PHACTR3: variants seen among roughly 807,000 people sequenced by gnomAD.
The protein encoded by PHACTR3 is protein phosphatase 1, regulatory subunit 123.
In PHACTR3, 16 loss-of-function variants were observed where a neutral mutation model predicts 66.8. That is an observed-to-expected ratio of 0.24 (90% CI 0.16 to 0.36). The LOEUF is 0.36. Ranked by LOEUF, PHACTR3 falls within the 10% of genes least tolerant of loss-of-function variation. The probability of loss-of-function intolerance (pLI) is 1.00; values close to 1 mark genes in which losing one functional copy is unlikely to be tolerated. For missense variants in PHACTR3, 647 were observed against 719.9 expected, an observed-to-expected ratio of 0.90 and a Z score of 1.16; for synonymous variants, 323 against 292.1, an observed-to-expected ratio of 1.11 and a Z score of -1.08.
At chr20:59,693,220 G>A (rs532579315) in intron 1 of PHACTR3, among the ~76,000 whole-genome samples, 44 of 152,294 alleles carry the variant, frequency 2.9e-4, no homozygotes, top group African/African-American at 9.4e-4. Flanking sequence ...TGGCACAGAC[G>A]TCCTCATCCT....
At chr20:59,632,756 A>C (rs1044856786) in intron 1 of PHACTR3, among the ~76,000 whole-genome samples, 1 of 152,206 alleles carries the variant, frequency 6.6e-6, no homozygotes, top group Non-Finnish European at 1.5e-5. Flanking sequence ...CACAGGGCTC[A>C]TGAAAGTGCC....
intron 4 of PHACTR3, among the ~76,000 whole-genome samples, chr20:59,763,644 A>T (rs2040078545): frequency 6.6e-6 from 1 of 152,230 alleles, no homozygotes. Flanking sequence ...TAACAGAGAA[A>T]TGGAATCAGT....
rs139643123 is a variant in PHACTR3 at position 59,828,959 on chromosome 20, C to T, written c.1329-7546C>T. Among the ~76,000 whole-genome samples, 89 of 151,796 alleles carry T rather than the reference C, an allele frequency of 5.9e-4. No homozygotes were observed. In the East Asian group the frequency reaches 0.011, roughly 20 times the overall value. On this transcript the variant is annotated intron_variant, in intron 8 of 12. Coordinates refer to ENST00000371015, the MANE Select transcript of PHACTR3 (RefSeq NM_080672.5). ...GGAGAGAGGCAGATGGATGGATGGACGGATGGATGGATGCAAGCAGAACCC... is the reference window on the plus strand; with the variant it reads ...GGAGAGAGGCAGATGGATGGATGGATGGATGGATGGATGCAAGCAGAACCC...
chr20:59,803,932 C>T (rs550008694), intron 7 of PHACTR3, among the ~76,000 whole-genome samples: 6 of 152,290 alleles, frequency 3.9e-5, no homozygotes, highest in African/African-American at 1.2e-4. Flanking sequence ...TGAAAGCTCT[C>T]CGTCCGTCCC....
chr20:59,704,086 C>T (rs1481557342), intron 1 of PHACTR3, among the ~76,000 whole-genome samples: 2 of 152,120 alleles, frequency 1.3e-5, no homozygotes, highest in Non-Finnish European at 2.9e-5. Flanking sequence ...AGGGCCTGAA[C>T]ACTTTAAAGA....
chr20:59,579,980 C>T (rs981311127), intron 1 of PHACTR3, among the ~76,000 whole-genome samples: 1 of 152,120 alleles, frequency 6.6e-6, no homozygotes. Context: ...AGGAAGCGCG[C>T]ATTCCGTGCT....
intron 8 of PHACTR3, among the ~76,000 whole-genome samples, chr20:59,832,006 G>T (rs1200475190): frequency 1.3e-5 from 2 of 152,176 alleles, no homozygotes; most frequent in South Asian, 2.1e-4. Context: ...TGGGGCAGGG[G>T]TGGTGGCCTG....
At chr20:59,616,593 G>C (rs942539996) in intron 1 of PHACTR3, among the ~76,000 whole-genome samples, 4 of 152,296 alleles carry the variant, frequency 2.6e-5, no homozygotes, top group Admixed American at 6.5e-5. Context: ...TACTGAGTTG[G>C]GTAAAAGACC....
At chr20:59,579,553 C>T (rs1364858324) in intron 1 of PHACTR3, among the ~76,000 whole-genome samples, 1 of 152,174 alleles carries the variant, frequency 6.6e-6, no homozygotes, top group East Asian at 1.9e-4. Context: ...GGAGGTGGCC[C>T]ATGGGCCTTG....
chr20:59,780,903 G>T (rs556530658), intron 7 of PHACTR3, among the ~76,000 whole-genome samples: 1 of 152,212 alleles, frequency 6.6e-6, no homozygotes, highest in Admixed American at 6.5e-5. Context: ...GTATAGCTTT[G>T]TCTCATTGTG....
At chr20:59,684,195 TTTTAAA>T (rs1487573468) in intron 1 of PHACTR3, among the ~76,000 whole-genome samples, 3 of 152,204 alleles carry the variant, frequency 2.0e-5, no homozygotes, top group African/African-American at 7.2e-5. Context: ...GGCTCATATC[TTTTAAA>T]TTAAGTAGTC....
At chr20:59,581,196 C>T (rs1289527527) in intron 1 of PHACTR3, among the ~76,000 whole-genome samples, 2 of 152,260 alleles carry the variant, frequency 1.3e-5, no homozygotes, top group Non-Finnish European at 2.9e-5. Context: ...GCAAAACCTG[C>T]CGTGCATTGC....
At chr20:59,630,647 G>A (rs1047351575) in intron 1 of PHACTR3, among the ~76,000 whole-genome samples, 1 of 152,202 alleles carries the variant, frequency 6.6e-6, no homozygotes, top group African/African-American at 2.4e-5. Flanking sequence ...GGGAGACACC[G>A]GGTGGTGCAG....
exon 1 of PHACTR3, chr20:59,577,607 T>C (rs2032749083): frequency 8.3e-7 from 1 of 1,208,736 alleles, no homozygotes; most frequent in Non-Finnish European, 1.0e-6. Context: ...CCGCCCGAGA[T>C]CCTGCGCAAG....
intron 3 of PHACTR3, among the ~76,000 whole-genome samples, chr20:59,753,352 G>A (rs541711426): frequency 2.6e-5 from 4 of 152,222 alleles, no homozygotes; most frequent in East Asian, 3.9e-4. Flanking sequence ...CATTCTCCCC[G>A]GAGGAGACGT....
Position 59,847,097 on chromosome 20 carries a change from C to CT in PHACTR3, c.1665-12dup. 2 of 1,498,174 alleles carry CT rather than the reference C, an allele frequency of 1.3e-6. No individual in the cohort carries two copies. The highest frequency in any genetic ancestry group is 1.8e-6 in the Non-Finnish European group (2 of 1,083,054). 92.8% of individuals were successfully genotyped at this position (1,498,174 alleles called of 1,614,324 possible). On this transcript the variant is annotated splice_polypyrimidine_tract_variant and intron_variant, in intron 12 of 12. Transcript: ENST00000371015. ...AAATGAATAACCTTAAATTCTTTGTCTTTTTTATAATCTCTAGATTCCACA... is the reference window on the plus strand; with the variant it reads ...AAATGAATAACCTTAAATTCTTTGTCTTTTTTTATAATCTCTAGATTCCACA...
chr20:59,822,427 T>A (rs1600718670), intron 8 of PHACTR3, among the ~76,000 whole-genome samples: 1 of 147,734 alleles, frequency 6.8e-6, no homozygotes, highest in African/African-American at 2.5e-5. Flanking sequence ...CCAGCAGGCG[T>A]GGGGGAGGGG....
chr20:59,756,607 G>C (rs370402173), intron 4 of PHACTR3, among the ~76,000 whole-genome samples: 1 of 152,046 alleles, frequency 6.6e-6, no homozygotes, highest in Non-Finnish European at 1.5e-5. Context: ...CAGCTCTCAC[G>C]CAGAGGCCCC....
intron 1 of PHACTR3, among the ~76,000 whole-genome samples, chr20:59,680,817 C>T (rs1378803599): frequency 6.6e-6 from 1 of 152,196 alleles, no homozygotes; most frequent in Non-Finnish European, 1.5e-5. Context: ...CCTGTACAGC[C>T]CGTGTTCCAC....
Sources: allele counts gnomAD v4.1 joint callset (sites outside exome capture counted in the v4.1 genomes callset), GRCh38; gene constraint gnomAD v4.1.1; transcripts MANE v1.5; gene names NCBI Gene and HGNC (gene_info 2026-07-23, HGNC 2026-07-21).